The following TMCC1 variants were observed in gnomAD, a reference collection of about 807,000 sequenced individuals.
TMCC1 encodes transmembrane and coiled-coil domain family 1.
In TMCC1, 15 loss-of-function variants were observed where a neutral mutation model predicts 52.4. The observed-to-expected ratio is 0.29, with a 90% CI of 0.19 to 0.44. The LOEUF (loss-of-function observed/expected upper bound fraction) is 0.44, where lower values mean the gene tolerates loss of function less well. TMCC1 is among the 20% of genes least tolerant of loss of function. TMCC1 has a pLI of 1.00. For missense variants in TMCC1, 503 were observed against 806.0 expected (o/e 0.62, Z 4.55); for synonymous variants, 279 against 301.9 (o/e 0.92, Z 0.79).
intron 5 of TMCC1, among the ~76,000 whole-genome samples, chr3:129,662,320 G>A (rs1032753392): frequency 6.6e-6 from 1 of 152,130 alleles, no homozygotes; most frequent in South Asian, 2.1e-4. Context: ...CACAAATCTA[G>A]ATAGTACAGC....
intron 4 of TMCC1, among the ~76,000 whole-genome samples, chr3:129,742,262 G>T (rs1308937729): frequency 6.6e-6 from 1 of 151,956 alleles, no homozygotes; most frequent in Non-Finnish European, 1.5e-5. Flanking sequence ...ATGCTTCAAA[G>T]GACACCATTA....
At chr3:129,708,435 T>C (rs2048402884) in intron 4 of TMCC1, among the ~76,000 whole-genome samples, 1 of 152,232 alleles carries the variant, frequency 6.6e-6, no homozygotes, top group Non-Finnish European at 1.5e-5. Flanking sequence ...CCTAGTTGCA[T>C]GTAGTTTGCA....
intron 4 of TMCC1, among the ~76,000 whole-genome samples, chr3:129,819,519 T>C (rs1187415473): frequency 6.6e-6 from 1 of 152,116 alleles, no homozygotes; most frequent in Non-Finnish European, 1.5e-5. Flanking sequence ...CTCTACAACT[T>C]TTGCCAAATA....
intron 4 of TMCC1, among the ~76,000 whole-genome samples, chr3:129,694,513 A>C (rs759139858): frequency 6.6e-6 from 1 of 152,210 alleles, no homozygotes; most frequent in Non-Finnish European, 1.5e-5. Flanking sequence ...TCACAAGATG[A>C]GATAGGAGGT....
intron 6 of TMCC1, among the ~76,000 whole-genome samples, chr3:129,653,701 A>G (rs112393776): frequency 0.089 from 13,448 of 151,898 alleles, 658 homozygotes; most frequent in Middle Eastern, 0.15. Context: ...GCCTCCCAAA[A>G]TCCCAAATCC....
intron 2 of TMCC1, among the ~76,000 whole-genome samples, chr3:129,862,948 A>G (rs2060460086): frequency 6.6e-6 from 1 of 152,198 alleles, no homozygotes; most frequent in African/African-American, 2.4e-5. Flanking sequence ...TAAAAGTCTA[A>G]AGACCTTATT....
At chr3:129,817,873 C>T (rs867332700) in intron 4 of TMCC1, among the ~76,000 whole-genome samples, 5 of 151,868 alleles carry the variant, frequency 3.3e-5, no homozygotes, top group Non-Finnish European at 2.9e-5. Flanking sequence ...AGTGCAATGG[C>T]GCGATCTCAG....
intron 3 of TMCC1, among the ~76,000 whole-genome samples, chr3:129,831,858 C>A (rs2058932488): frequency 6.6e-6 from 1 of 151,946 alleles, no homozygotes; most frequent in African/African-American, 2.4e-5. Context: ...CCCCAATTAA[C>A]TATTTATTTA....
chr3:129,853,558 G>A (rs539397526), intron 2 of TMCC1, among the ~76,000 whole-genome samples: 16 of 150,438 alleles, frequency 1.1e-4, no homozygotes, highest in African/African-American at 3.7e-4. Flanking sequence ...GAGCCCAGGA[G>A]GTCTAGGCTG....
At chr3:129,863,307 A>C (rs1455843072) in intron 2 of TMCC1, among the ~76,000 whole-genome samples, 1 of 152,248 alleles carries the variant, frequency 6.6e-6, no homozygotes, top group Non-Finnish European at 1.5e-5. Context: ...TTACCTTATT[A>C]TCCCAAAGCA....
chr3:129,748,490 G>A (rs913462068), intron 4 of TMCC1, among the ~76,000 whole-genome samples: 8 of 152,062 alleles, frequency 5.3e-5, no homozygotes, highest in African/African-American at 1.9e-4. Flanking sequence ...GTTTTACCAT[G>A]TTGGCCAGGC....
At chr3:129,781,118 A>AT (rs1162117874) in intron 4 of TMCC1, among the ~76,000 whole-genome samples, 3 of 152,116 alleles carry the variant, frequency 2.0e-5, no homozygotes, top group African/African-American at 7.2e-5. Context: ...GTTTTCTTCT[A>AT]TTAAAGAACA....
intron 1 of TMCC1, among the ~76,000 whole-genome samples, chr3:129,886,830 G>T (rs867833736): frequency 1.3e-5 from 2 of 151,932 alleles, no homozygotes; most frequent in African/African-American, 4.8e-5. Context: ...CCAGCTACTC[G>T]GGAGGCTGAG....
At chr3:129,815,367 T>C (rs2717244) in intron 4 of TMCC1, among the ~76,000 whole-genome samples, 50,406 of 151,786 alleles carry the variant, frequency 0.33, 10,936 homozygotes, top group Non-Finnish European at 0.48. Context: ...TATAAAGCAA[T>C]AGTAAACATA....
At chr3:129,887,420 T>TGA (rs1013824468) in intron 1 of TMCC1, among the ~76,000 whole-genome samples, 2 of 151,532 alleles carry the variant, frequency 1.3e-5, no homozygotes, top group Admixed American at 6.6e-5. Flanking sequence ...CATGAGCCTG[T>TGA]AGTCCCAGCT....
chr3:129,849,623 G>A (rs1011965501), intron 2 of TMCC1, among the ~76,000 whole-genome samples: 15 of 151,692 alleles, frequency 9.9e-5, no homozygotes, highest in South Asian at 4.2e-4. Flanking sequence ...AAAATTAGCC[G>A]GGGGTGGTGG....
intron 4 of TMCC1, among the ~76,000 whole-genome samples, chr3:129,749,535 A>G (rs1203304066): frequency 3.3e-5 from 5 of 152,202 alleles, no homozygotes; most frequent in Non-Finnish European, 5.9e-5. Flanking sequence ...TTTGTTTCAG[A>G]GAAGTAAAAA....
intron 1 of TMCC1, among the ~76,000 whole-genome samples, chr3:129,881,615 C>T (rs1476939214): frequency 6.6e-6 from 1 of 152,068 alleles, no homozygotes; most frequent in Non-Finnish European, 1.5e-5. Flanking sequence ...AGCTAACATA[C>T]AGAACAAGAA....
At chr3:129,786,044 C>T (rs535164093) in intron 4 of TMCC1, among the ~76,000 whole-genome samples, 3 of 149,768 alleles carry the variant, frequency 2.0e-5, no homozygotes, top group South Asian at 2.1e-4. Context: ...AAGTGATTCT[C>T]GTGCCACAAC....
Sources: allele counts gnomAD v4.1 joint callset (sites outside exome capture counted in the v4.1 genomes callset), GRCh38; gene constraint gnomAD v4.1.1; transcripts MANE v1.5; gene names NCBI Gene and HGNC (gene_info 2026-07-23, HGNC 2026-07-21).